Variants in SPATA13 observed in about 807,000 individuals in gnomAD.
SPATA13 encodes spermatogenesis-associated protein 13.
In SPATA13, 50 loss-of-function variants were observed where a neutral mutation model predicts 104.0. The observed-to-expected ratio is 0.48, with a 90% CI of 0.38 to 0.61. SPATA13 has a LOEUF of 0.61. SPATA13 is among the 20% of genes least tolerant of loss of function. SPATA13 has a pLI of 0.00. For synonymous variants in SPATA13, 606 were observed against 667.5 expected, an observed-to-expected ratio of 0.91 and a Z score of 1.42; for missense variants, 1,524 against 1,690.6, an observed-to-expected ratio of 0.90 and a Z score of 1.73.
chr13:24,168,460 T>C (rs1882833356), intron 1 of SPATA13, among the ~76,000 whole-genome samples: 1 of 152,262 alleles, frequency 6.6e-6, no homozygotes, highest in Non-Finnish European at 1.5e-5. Flanking sequence ...TTGGCCCCAG[T>C]ACACTTCAGT....
intron 4 of SPATA13, among the ~76,000 whole-genome samples, chr13:24,265,231 T>A (rs966916903): frequency 2.0e-5 from 3 of 152,224 alleles, no homozygotes; most frequent in African/African-American, 7.2e-5. Context: ...GAACTGAGCC[T>A]GCCTTTGCCC....
intron 2 of SPATA13, among the ~76,000 whole-genome samples, chr13:24,004,580 C>CCA (rs1378366224): frequency 6.6e-6 from 1 of 152,164 alleles, no homozygotes; most frequent in South Asian, 2.1e-4. Flanking sequence ...CTTGGGAGTT[C>CCA]TCCTGGGTGT....
intron 5 of SPATA13, among the ~76,000 whole-genome samples, chr13:24,285,931 T>G (rs1313251467): frequency 6.6e-6 from 1 of 152,204 alleles, no homozygotes; most frequent in Non-Finnish European, 1.5e-5. Flanking sequence ...TCCACCCGCC[T>G]TGGCCTCCCA....
chr13:24,017,209 G>T (rs1156835619), intron 2 of SPATA13, among the ~76,000 whole-genome samples: 1 of 152,224 alleles, frequency 6.6e-6, no homozygotes, highest in Non-Finnish European at 1.5e-5. Context: ...ATGCTCACAC[G>T]TGCCAGGCAC....
intron 3 of SPATA13, among the ~76,000 whole-genome samples, chr13:24,096,604 T>C (rs1397930539): frequency 2.0e-5 from 3 of 151,470 alleles, no homozygotes; most frequent in Non-Finnish European, 2.9e-5. Context: ...AAAATAATAA[T>C]AACAAGGGGG....
intron 3 of SPATA13, among the ~76,000 whole-genome samples, chr13:24,026,882 G>A (rs1006314537): frequency 2.6e-5 from 4 of 152,254 alleles, no homozygotes; most frequent in African/African-American, 4.8e-5. Context: ...GATTACAGGC[G>A]TGAGCCACCA....
intron 1 of SPATA13, among the ~76,000 whole-genome samples, chr13:24,172,426 C>T (rs1009562604): frequency 1.4e-4 from 21 of 152,218 alleles, no homozygotes; most frequent in Admixed American, 7.2e-4. Flanking sequence ...CTAAGAACTC[C>T]GTCGTAGTCC....
intron 4 of SPATA13, among the ~76,000 whole-genome samples, chr13:24,256,240 A>T (rs1409188047): frequency 6.6e-6 from 1 of 152,200 alleles, no homozygotes; most frequent in Non-Finnish European, 1.5e-5. Flanking sequence ...TGGTAAATGG[A>T]TATAAAAATA....
At chr13:24,076,695 G>A (rs1369707837) in intron 3 of SPATA13, among the ~76,000 whole-genome samples, 3 of 151,820 alleles carry the variant, frequency 2.0e-5, no homozygotes, top group African/African-American at 7.3e-5. Context: ...TGCAAGGACA[G>A]GGAAGGAAGG....
At chr13:24,224,765 C>G (rs776600316) in intron 2 of SPATA13, 183 bp downstream of exon 2, 9 of 685,828 alleles carry the variant, frequency 1.3e-5, no homozygotes, top group Non-Finnish European at 1.6e-5. Flanking sequence ...GAAGTAATCT[C>G]TATCTCCTTT....
intron 4 of SPATA13, among the ~76,000 whole-genome samples, chr13:24,267,523 G>A (rs750316036): frequency 3.3e-5 from 5 of 152,150 alleles, no homozygotes; most frequent in East Asian, 1.9e-4. Flanking sequence ...ACCGGATGCC[G>A]ATGAAAAGTG....
intron 3 of SPATA13, among the ~76,000 whole-genome samples, chr13:24,111,056 T>C (rs747719926): frequency 6.6e-6 from 1 of 151,924 alleles, no homozygotes; most frequent in Non-Finnish European, 1.5e-5. Context: ...TACAGATACT[T>C]GACACCATGT....
At chr13:24,081,084 A>G (rs1013837511) in intron 3 of SPATA13, among the ~76,000 whole-genome samples, 1 of 152,200 alleles carries the variant, frequency 6.6e-6, no homozygotes, top group Admixed American at 6.5e-5. Flanking sequence ...CCTGTCTATT[A>G]TATGCTTGGT....
intron 2 of SPATA13, among the ~76,000 whole-genome samples, chr13:24,241,947 G>A (rs1230677046): frequency 3.9e-5 from 6 of 152,010 alleles, no homozygotes; most frequent in Admixed American, 3.9e-4. Flanking sequence ...CAGCTACTCA[G>A]GAAGCCAAGG....
At chr13:24,225,217 G>T (rs544429061) in intron 2 of SPATA13, among the ~76,000 whole-genome samples, 1 of 152,364 alleles carries the variant, frequency 6.6e-6, no homozygotes, top group South Asian at 2.1e-4. Flanking sequence ...GCAGCGAGGG[G>T]TGTGTGAGTG....
At chr13:24,207,873 T>C (rs4770627) in intron 1 of SPATA13, among the ~76,000 whole-genome samples, 103,468 of 152,044 alleles carry the variant, frequency 0.68, 35,449 homozygotes, top group South Asian at 0.83. Flanking sequence ...CCCTGTCACT[T>C]TCTATGGTGT....
At chr13:24,264,169 T>C (rs1013397531) in intron 4 of SPATA13, among the ~76,000 whole-genome samples, 1 of 152,222 alleles carries the variant, frequency 6.6e-6, no homozygotes, top group Non-Finnish European at 1.5e-5. Context: ...TCATGAAATT[T>C]CATCTTCTAG....
At chr13:24,296,285 G>A (rs1358019059) in intron 10 of SPATA13, among the ~76,000 whole-genome samples, 1 of 152,160 alleles carries the variant, frequency 6.6e-6, no homozygotes, top group Non-Finnish European at 1.5e-5. Flanking sequence ...CAAGTAAATA[G>A]AAGAACTATT....
At chr13:24,229,897 G>A (rs139950142) in intron 2 of SPATA13, among the ~76,000 whole-genome samples, 1 of 152,300 alleles carries the variant, frequency 6.6e-6, no homozygotes, top group Non-Finnish European at 1.5e-5. Flanking sequence ...AGAACTTGAT[G>A]GATTCAATTC....
Sources: gnomAD v4.1 joint callset for allele counts (sites outside exome capture counted in the v4.1 genomes callset) on GRCh38, gnomAD v4.1.1 for gene constraint, MANE v1.5 for transcripts, NCBI Gene and HGNC (gene_info 2026-07-23, HGNC 2026-07-21) for gene names.